The following NALCN variants were observed in gnomAD, a reference collection of about 807,000 sequenced individuals.
NALCN encodes the protein sodium leak channel, non-selective, also known as sodium leak channel NALCN.
A neutral mutation model predicts 225.3 loss-of-function variants in NALCN; 111 were observed. That is an observed-to-expected ratio of 0.49 (90% CI 0.42 to 0.58). NALCN has a LOEUF of 0.58. Ranked by LOEUF, NALCN falls within the 20% of genes least tolerant of loss-of-function variation. NALCN has a pLI of 0.00. For missense variants in NALCN, 1,378 were observed against 2,202.4 expected, an observed-to-expected ratio of 0.63 and a Z score of 7.49; for synonymous variants, 764 against 769.0, an observed-to-expected ratio of 0.99 and a Z score of 0.11.
At chr13:101,065,255 C>T (rs1288247902) in intron 40 of NALCN, 149 bp downstream of exon 40, 21 of 802,506 alleles carry the variant, frequency 2.6e-5, no homozygotes, top group South Asian at 8.5e-5. Context: ...GGGCACTTAG[C>T]GCCTGGGACA....
intron 14 of NALCN, among the ~76,000 whole-genome samples, chr13:101,178,806 A>G (rs2039069304): frequency 1.3e-5 from 2 of 152,214 alleles, no homozygotes. Flanking sequence ...GAGAACACGT[A>G]TGGAAAGCGG....
chr13:101,155,011 G>C (rs2037836541), intron 15 of NALCN, among the ~76,000 whole-genome samples: 1 of 152,156 alleles, frequency 6.6e-6, no homozygotes, highest in Admixed American at 6.5e-5. Flanking sequence ...ATGGCAGAAA[G>C]CTACACAGAT....
At chr13:101,380,892 A>C (rs549011081) in intron 3 of NALCN, among the ~76,000 whole-genome samples, 3 of 149,750 alleles carry the variant, frequency 2.0e-5, no homozygotes, top group East Asian at 2.0e-4. Context: ...ACACACACAC[A>C]CCACCATCAC....
At chr13:101,159,335 C>T (rs1215610897) in intron 15 of NALCN, among the ~76,000 whole-genome samples, 1 of 152,096 alleles carries the variant, frequency 6.6e-6, no homozygotes, top group African/African-American at 2.4e-5. Context: ...GGCCCTGTGA[C>T]CCCAGCTCTA....
chr13:101,106,430 A>C (rs1352993366), intron 22 of NALCN, among the ~76,000 whole-genome samples: 1 of 152,214 alleles, frequency 6.6e-6, no homozygotes, highest in African/African-American at 2.4e-5. Flanking sequence ...GGCATCAGGG[A>C]CACTCCAACT....
At chr13:101,362,979 C>A (rs549238475) in intron 6 of NALCN, among the ~76,000 whole-genome samples, 2 of 151,776 alleles carry the variant, frequency 1.3e-5, no homozygotes, top group Admixed American at 6.6e-5. Flanking sequence ...GAAAGCAATG[C>A]CATTTACAAT....
intron 32 of NALCN, 69 bp downstream of exon 32, chr13:101,083,023 T>C (rs1302438184): frequency 1.9e-5 from 30 of 1,555,142 alleles, no homozygotes; most frequent in Non-Finnish European, 2.4e-5. Flanking sequence ...ATATAGCAGC[T>C]TGTGATACTC....
intron 13 of NALCN, among the ~76,000 whole-genome samples, chr13:101,200,988 C>T (rs2140039211): frequency 6.6e-6 from 1 of 152,108 alleles, no homozygotes; most frequent in South Asian, 2.1e-4. Flanking sequence ...GGGTTTTGGT[C>T]AAAGTAGAGT....
intron 39 of NALCN, 86 bp from the exon 40 acceptor site, chr13:101,065,647 T>C: frequency 6.7e-7 from 1 of 1,500,006 alleles, no homozygotes; most frequent in Non-Finnish European, 8.9e-7. Flanking sequence ...AAAGGTGCTA[T>C]TTCTCAAAAG....
At chr13:101,073,756 A>G (rs1454257636) in intron 36 of NALCN, 79 bp from the exon 37 acceptor site, 6 of 1,239,408 alleles carry the variant, frequency 4.8e-6, no homozygotes, top group Non-Finnish European at 6.8e-6. Flanking sequence ...GCCAACACCA[A>G]AACAAGTGGA....
chr13:101,270,701 T>C (rs939717880), intron 10 of NALCN, among the ~76,000 whole-genome samples: 3 of 152,226 alleles, frequency 2.0e-5, no homozygotes, highest in Non-Finnish European at 4.4e-5. Flanking sequence ...TGTCTAAACC[T>C]GTCAGCAGCT....
intron 7 of NALCN, among the ~76,000 whole-genome samples, chr13:101,300,417 T>C (rs1028816814): frequency 4.7e-5 from 7 of 150,320 alleles, no homozygotes; most frequent in Non-Finnish European, 1.0e-4. Flanking sequence ...CTTCCTTTCT[T>C]TCTCTTTTTT....
At chr13:101,117,000 C>T (rs1263797301) in intron 18 of NALCN, 4 of 512,552 alleles carry the variant, frequency 7.8e-6, no homozygotes, top group Admixed American at 2.0e-5. Context: ...TCGGTAATGG[C>T]CTCTTGCTGA....
chr13:101,143,305 A>G lies in NALCN; in HGVS notation c.1977-84T>C, dbSNP rs538985247. On this transcript the variant is annotated intron_variant, in intron 16 of 43. Transcript: ENST00000251127. ...CATTTTGCAATGATGAGTTTGCTTG[A>G]GCAAAGATAAAGCAGTGATAAAAGA... The G allele has an allele frequency of 1.4e-5, 19 of 1,394,154 alleles. No homozygotes were observed. In the East Asian group the frequency reaches 4.4e-4, roughly 32 times the overall value. The allele number at this position is 1,394,154 out of a possible 1,614,324, so 86.4% of individuals were successfully genotyped here. A position where few individuals can be genotyped will look rare whatever the true frequency, so the allele number is the denominator to read the frequency against.
At chr13:101,161,522 A>T (rs1457922173) in intron 15 of NALCN, among the ~76,000 whole-genome samples, 3 of 152,210 alleles carry the variant, frequency 2.0e-5, no homozygotes, top group Non-Finnish European at 4.4e-5. Context: ...TCTCTGGTTC[A>T]CCACTGCCTC....
intron 10 of NALCN, among the ~76,000 whole-genome samples, chr13:101,275,069 C>A (rs1316086343): frequency 6.6e-6 from 1 of 152,158 alleles, no homozygotes; most frequent in Non-Finnish European, 1.5e-5. Flanking sequence ...CCTGCTCTTT[C>A]CTTCCATTTG....
chr13:101,068,187 G>C (rs1249696519), intron 38 of NALCN, among the ~76,000 whole-genome samples, 154 bp from the exon 39 acceptor site: 1 of 152,210 alleles, frequency 6.6e-6, no homozygotes, highest in African/African-American at 2.4e-5. Flanking sequence ...AAATTGGCAT[G>C]TTTACACTTG....
At chr13:101,084,448 C>T (rs2033829622) in intron 30 of NALCN, among the ~76,000 whole-genome samples, 1 of 152,028 alleles carries the variant, frequency 6.6e-6, no homozygotes, top group African/African-American at 2.4e-5. Flanking sequence ...GACAAAAACC[C>T]CACTCTCCCT....
chr13:101,411,115 C>G (rs1045175358), intron 1 of NALCN, among the ~76,000 whole-genome samples: 4 of 152,262 alleles, frequency 2.6e-5, no homozygotes, highest in African/African-American at 9.6e-5. Context: ...GATTGGAATG[C>G]TGTAGCTCTC....
Sources: allele counts gnomAD v4.1 joint callset (sites outside exome capture counted in the v4.1 genomes callset), GRCh38; gene constraint gnomAD v4.1.1; transcripts MANE v1.5; gene names NCBI Gene and HGNC (gene_info 2026-07-23, HGNC 2026-07-21).